Variants in GPD2 observed in about 807,000 individuals in gnomAD.
GPD2 encodes the protein glycerol-3-phosphate dehydrogenase 2, also known as glycerol-3-phosphate dehydrogenase, mitochondrial.
A neutral mutation model predicts 82.4 loss-of-function variants in GPD2; 54 were observed. The ratio of observed to expected loss-of-function variants is 0.66; its 90% CI spans 0.53 to 0.82. The LOEUF (loss-of-function observed/expected upper bound fraction) is 0.82. Ranked by LOEUF, GPD2 falls within the 40% of genes least tolerant of loss-of-function variation. The pLI, the probability that GPD2 is intolerant of heterozygous loss-of-function variation, is 0.00. For synonymous variants in GPD2, 288 were observed against 306.1 expected (o/e 0.94, Z 0.62); for missense variants, 748 against 896.2 (o/e 0.83, Z 2.11).
chr2:156,520,264 G>T (rs1172680718), intron 6 of GPD2, among the ~76,000 whole-genome samples: 2 of 152,098 alleles, frequency 1.3e-5, no homozygotes, highest in African/African-American at 2.4e-5. Flanking sequence ...GGGATATGAA[G>T]TTCTCATTTA....
chr2:156,532,461 C>A (rs1290229098), intron 6 of GPD2, among the ~76,000 whole-genome samples: 1 of 152,176 alleles, frequency 6.6e-6, no homozygotes, highest in Non-Finnish European at 1.5e-5. Context: ...TGTGCTCCCC[C>A]ACCATTAAAT....
Position 156,444,329 on chromosome 2 carries a change from T to C in GPD2, c.-9+7816T>C, listed in dbSNP as rs146788209. 3.6e-3 allele frequency among the ~76,000 whole-genome samples: 550 copies of C among 152,286 alleles called. 3 individuals carry two copies. The highest frequency in any genetic ancestry group is 0.013 in the African/African-American group (526 of 41,548). ...CATAGGACCTATCATAACAAGTATA[T>C]TTTCACTTTTTTCTTTCACTGTGTT... On this transcript the variant is annotated intron_variant, in intron 1 of 16. Coordinates refer to ENST00000438166, the MANE Select transcript of GPD2 (RefSeq NM_000408.5).
chr2:156,474,040 A>AT (rs1333677426), intron 1 of GPD2, among the ~76,000 whole-genome samples: 4 of 152,040 alleles, frequency 2.6e-5, no homozygotes, highest in African/African-American at 7.2e-5. Context: ...AATCATTAAA[A>AT]TTTTTTTTAG....
intron 6 of GPD2, among the ~76,000 whole-genome samples, chr2:156,518,266 T>C (rs1313477797): frequency 6.6e-6 from 1 of 152,150 alleles, no homozygotes; most frequent in Non-Finnish European, 1.5e-5. Context: ...CAACCTCAGC[T>C]ATAATCCCTG....
intron 3 of GPD2, among the ~76,000 whole-genome samples, chr2:156,502,536 A>G (rs1684624852): frequency 6.6e-6 from 1 of 152,032 alleles, no homozygotes; most frequent in Non-Finnish European, 1.5e-5. Context: ...AAGAGACCCT[A>G]CCACCTCAGC....
chr2:156,467,310 A>G (rs1009430573), intron 1 of GPD2, among the ~76,000 whole-genome samples: 2 of 152,190 alleles, frequency 1.3e-5, no homozygotes. Context: ...ATGCCTTCCC[A>G]GCAATGTGTG....
intron 9 of GPD2, among the ~76,000 whole-genome samples, chr2:156,565,350 T>C (rs1166706655): frequency 1.3e-5 from 2 of 152,136 alleles, no homozygotes; most frequent in Non-Finnish European, 1.5e-5. Flanking sequence ...AGTTAGGTTT[T>C]TGGTAACGAT....
intron 7 of GPD2, among the ~76,000 whole-genome samples, 147 bp from the exon 8 acceptor site, chr2:156,550,448 TTTGGCTC>T (rs1436707766): frequency 6.6e-6 from 1 of 152,224 alleles, no homozygotes; most frequent in Non-Finnish European, 1.5e-5. Context: ...GAGCCTTTTG[TTTGGCTC>T]TTCAATAACT....
At chr2:156,461,592 C>T (rs1206231228) in intron 1 of GPD2, among the ~76,000 whole-genome samples, 1 of 152,102 alleles carries the variant, frequency 6.6e-6, no homozygotes, top group Non-Finnish European at 1.5e-5. Flanking sequence ...GTTACCCAGG[C>T]TAGTCTCAAA....
chr2:156,512,039 T>C (rs1685015393), intron 4 of GPD2, among the ~76,000 whole-genome samples, 181 bp from the exon 5 acceptor site: 1 of 152,188 alleles, frequency 6.6e-6, no homozygotes, highest in Admixed American at 6.5e-5. Flanking sequence ...AGTTAAGGTT[T>C]CTAAAAAATC....
chr2:156,444,695 G>A (rs913942581), intron 1 of GPD2, among the ~76,000 whole-genome samples: 2 of 148,020 alleles, frequency 1.4e-5, no homozygotes, highest in Non-Finnish European at 3.0e-5. Context: ...CCTGGGCAAC[G>A]GAACAAGACT....
At chr2:156,559,053 T>A (rs1687072337) in intron 9 of GPD2, among the ~76,000 whole-genome samples, 1 of 152,168 alleles carries the variant, frequency 6.6e-6, no homozygotes, top group African/African-American at 2.4e-5. Context: ...TGTTGAATCT[T>A]CGTGTCTAAT....
intron 1 of GPD2, among the ~76,000 whole-genome samples, chr2:156,453,897 A>G (rs1052576901): frequency 2.0e-5 from 3 of 152,144 alleles, no homozygotes; most frequent in Admixed American, 6.5e-5. Flanking sequence ...AACAAAACAA[A>G]AAAGAAAACT....
Position 156,549,792 on chromosome 2 carries a change from G to T in GPD2, c.826+20G>T, listed in dbSNP as rs200771910. On this transcript the variant is annotated intron_variant, in intron 7 of 16. Transcript: ENST00000438166. ...TCACAGGTATGCCAGGTATCTGGGA[G>T]GGAGGTATTTCTTAGTATCTTGCCT... is the stretch of plus-strand genomic sequence containing the variant. 52 of 1,583,086 alleles carry T rather than the reference G, an allele frequency of 3.3e-5. No individual in the cohort carries two copies. The African/African-American group carries it at 4.8e-4, about 15-fold the overall frequency.
chr2:156,578,408 A>C (rs1473781162), intron 13 of GPD2, among the ~76,000 whole-genome samples: 1 of 151,796 alleles, frequency 6.6e-6, no homozygotes, highest in African/African-American at 2.4e-5. Flanking sequence ...CAAGAATTTG[A>C]TCCTGTAGAT....
intron 6 of GPD2, among the ~76,000 whole-genome samples, chr2:156,534,315 G>A (rs1486492927): frequency 2.0e-5 from 3 of 152,102 alleles, no homozygotes; most frequent in Admixed American, 6.6e-5. Context: ...TCATCTGCTC[G>A]AGGAGCCTGG....
chr2:156,557,615 G>T (rs75250627), intron 9 of GPD2, 33 bp downstream of exon 9: 1 of 1,193,880 alleles, frequency 8.4e-7, no homozygotes, highest in African/African-American at 1.5e-5. Flanking sequence ...TTGTCTCTCT[G>T]TGTCCATATC....
chr2:156,442,012 CAA>C (rs1449326448), intron 1 of GPD2, among the ~76,000 whole-genome samples: 1 of 152,114 alleles, frequency 6.6e-6, no homozygotes, highest in Non-Finnish European at 1.5e-5. Flanking sequence ...GAGATACTGT[CAA>C]AGTCTGGGTA....
At chr2:156,416,949 G>A in the GPD2 span, among the ~76,000 whole-genome samples, 1 of 152,072 alleles carries the variant, frequency 6.6e-6, no homozygotes, top group South Asian at 2.1e-4. Flanking sequence ...AACCTTAATA[G>A]CACTCAAGAA....
Sources: allele counts gnomAD v4.1 joint callset (sites outside exome capture counted in the v4.1 genomes callset), GRCh38; gene constraint gnomAD v4.1.1; transcripts MANE v1.5; gene names NCBI Gene and HGNC (gene_info 2026-07-23, HGNC 2026-07-21).